CEP43: variants seen among roughly 807,000 people sequenced by gnomAD.
CEP43 encodes FGFR1 oncogene partner.
A neutral mutation model predicts 52.6 loss-of-function variants in CEP43; 36 were observed. The observed-to-expected ratio is 0.68, with a 90% confidence interval of 0.52 to 0.90. The LOEUF (loss-of-function observed/expected upper bound fraction) is 0.90, where lower values mean the gene tolerates loss of function less well. Among genes scored for constraint, CEP43 ranks in the 40% least tolerant of loss-of-function variants. The probability of loss-of-function intolerance (pLI) is 0.00; values close to 1 mark genes in which losing one functional copy is unlikely to be tolerated. For synonymous variants in CEP43, 192 were observed against 172.4 expected (o/e 1.11, Z -0.89); for missense variants, 506 against 472.8 (o/e 1.07, Z -0.65).
chr6:167,039,538 A>G (rs551605648), intron 12 of CEP43, among the ~76,000 whole-genome samples: 12 of 152,268 alleles, frequency 7.9e-5, no homozygotes, highest in African/African-American at 2.6e-4. Flanking sequence ...TGTTTTTGCA[A>G]TTCGGAATTG....
At chr6:167,031,087 T>A (rs542717788) in intron 10 of CEP43, among the ~76,000 whole-genome samples, 1 of 152,166 alleles carries the variant, frequency 6.6e-6, no homozygotes, top group Non-Finnish European at 1.5e-5. Context: ...ATTTAAAAAA[T>A]AAAATAAATT....
Position 167,042,441 on chromosome 6 carries a change from A to G in CEP43, c.*2463A>G, listed in dbSNP as rs1170980069. ...ATATTCGGTTGTGCTTTTATACTTT[A>G]TGTTGGATAACAACCTGTGGGCAGT... On this transcript the variant is annotated 3_prime_UTR_variant, in exon 13 of 13. Coordinates refer to ENST00000366847, the MANE Select transcript of CEP43 (RefSeq NM_007045.4). The G allele has an allele frequency of 1.1e-6, 1 of 905,888 alleles. No individual in the cohort carries two copies. The highest frequency in any genetic ancestry group is 1.3e-6 in the Non-Finnish European group (1 of 755,564). The allele number at this position is 905,888 out of a possible 1,614,324, so 56.1% of individuals were successfully genotyped here.
rs1554273659 is a variant in CEP43, at chr6:167,000,048, C to T, written c.103-12C>T. On this transcript the variant is annotated splice_polypyrimidine_tract_variant and intron_variant, in intron 1 of 12. Transcript: ENST00000366847. ...GAAATTATAATTTCCTGTTTCTTAA[C>T]TTTTTTTTAAGGCTGAACTCCGAGC... 3 of 1,600,474 alleles carry T rather than the reference C, an allele frequency of 1.9e-6. No individual in the cohort carries two copies. Among genetic ancestry groups the T allele is most frequent in the Non-Finnish European group, 2.6e-6 (3 of 1,169,174 alleles).
chr6:167,048,227 C>G lies in CEP43; in HGVS notation c.*8249C>G, dbSNP rs1055023586. The G allele has an allele frequency of 7.9e-5, 12 of 152,166 alleles. No individual in the cohort carries two copies. The highest frequency in any genetic ancestry group is 2.9e-4 in the African/African-American group (12 of 41,416). The allele number at this position is 152,166 out of a possible 1,614,324, so 9.4% of individuals were successfully genotyped here. ...GGGCAACATAGTAAGACCCCTATCT[C>G]TACAAAAAATATAAAAATTAGCTAG... On this transcript the variant is annotated 3_prime_UTR_variant, in exon 13 of 13. Coordinates refer to ENST00000366847, the MANE Select transcript of CEP43 (RefSeq NM_007045.4).
At chr6:167,039,295 AATTTTTGT>A (rs915970406) in intron 12 of CEP43, among the ~76,000 whole-genome samples, 1 of 152,020 alleles carries the variant, frequency 6.6e-6, no homozygotes, top group African/African-American at 2.4e-5. Flanking sequence ...TTGTCTGGCT[AATTTTTGT>A]ATTTTTGTAG....
rs1445205725 is a variant in CEP43 at position 167,042,064 on chromosome 6, G to A, written c.*2086G>A. 2 of 841,512 alleles carry A rather than the reference G, an allele frequency of 2.4e-6. No individual in the cohort carries two copies. The highest frequency in any genetic ancestry group is 1.9e-5 in the African/African-American group (1 of 53,486). The allele number at this position is 841,512 out of a possible 1,614,324, so 52.1% of individuals were successfully genotyped here. ...GTCTTGAACTCCTGACCTCGTTCCT[G>A]CCTTAGCCTCCTAAAGTGCCGGGAT... On this transcript the variant is annotated 3_prime_UTR_variant, in exon 13 of 13. Coordinates refer to ENST00000366847, the MANE Select transcript of CEP43 (RefSeq NM_007045.4).
chr6:167,046,827 G>A lies in CEP43; in HGVS notation c.*6849G>A, dbSNP rs112558758. 52 of 152,334 alleles carry A rather than the reference G, an allele frequency of 3.4e-4. No individual in the cohort carries two copies. Among genetic ancestry groups the A allele is most frequent in the African/African-American group, 1.2e-3 (49 of 41,578 alleles). 9.4% of individuals were successfully genotyped at this position (152,334 alleles called of 1,614,324 possible). Reference sequence around the variant, plus strand: ...GCCCTCTCAGCCTGAGTCCATTCTGGCTCCAGAGCTCCCTGAGAGCTTGCC... The same window carrying A: ...GCCCTCTCAGCCTGAGTCCATTCTGACTCCAGAGCTCCCTGAGAGCTTGCC... On this transcript the variant is annotated 3_prime_UTR_variant, in exon 13 of 13. Coordinates refer to ENST00000366847, the MANE Select transcript of CEP43 (RefSeq NM_007045.4).
chr6:167,033,092 C>T (rs1486636591), intron 11 of CEP43, among the ~76,000 whole-genome samples: 2 of 139,392 alleles, frequency 1.4e-5, no homozygotes, highest in African/African-American at 5.3e-5. Flanking sequence ...AATAAGATTG[C>T]CATTCTCTTT....
intron 12 of CEP43, chr6:167,036,428 GGGGA>G: frequency 1.0e-6 from 1 of 985,414 alleles, no homozygotes; most frequent in Non-Finnish European, 1.2e-6. Context: ...CAGAGGCCCT[GGGGA>G]GGGTAGTCTC....
Position 167,042,169 on chromosome 6 carries a change from G to GA in CEP43, c.*2196dup. ...TTTGAATGACTTAAAGTTCAACTAT[G>GA]AAAAAGCTTTCTTTTCACATGTACT... On this transcript the variant is annotated 3_prime_UTR_variant, in exon 13 of 13. Transcript: ENST00000366847. 1 of 1,008,240 alleles carries GA rather than the reference G, an allele frequency of 9.9e-7. No homozygotes were observed. 62.5% of individuals were successfully genotyped at this position (1,008,240 alleles called of 1,614,324 possible).
intron 10 of CEP43, 36 bp downstream of exon 10, chr6:167,026,651 A>G: frequency 7.6e-7 from 1 of 1,308,190 alleles, no homozygotes; most frequent in Non-Finnish European, 1.1e-6. Flanking sequence ...TGATCGTTTT[A>G]AAGTGATTAT....
rs1481621336 is a variant in CEP43 at position 167,043,416 on chromosome 6, T to C, written c.*3438T>C. ...TTTTTTTGAGGTGGAGTTTTGTTCT[T>C]GTTGCCCAGGCTGGAGTGCCATGGG... On this transcript the variant is annotated 3_prime_UTR_variant, in exon 13 of 13. Transcript: ENST00000366847. The C allele has an allele frequency of 2.7e-5, 4 of 150,142 alleles. No homozygotes were observed. The highest frequency in any genetic ancestry group is 5.0e-5 in the African/African-American group (2 of 40,374). The allele number at this position is 150,142 out of a possible 1,614,324, so 9.3% of individuals were successfully genotyped here.
intron 5 of CEP43, among the ~76,000 whole-genome samples, chr6:167,005,268 A>C (rs954235371): frequency 6.6e-6 from 1 of 152,240 alleles, no homozygotes; most frequent in African/African-American, 2.4e-5. Flanking sequence ...CTTTGTGGGT[A>C]CTATAAGATA....
intron 5 of CEP43, among the ~76,000 whole-genome samples, chr6:167,005,661 A>G (rs188152271): frequency 7.9e-5 from 12 of 152,260 alleles, no homozygotes; most frequent in Middle Eastern, 3.4e-3. Flanking sequence ...TCATTCCTTC[A>G]TTTATCAATA....
chr6:167,014,648 A>G (rs1780054831), intron 7 of CEP43, among the ~76,000 whole-genome samples: 1 of 152,228 alleles, frequency 6.6e-6, no homozygotes, highest in Non-Finnish European at 1.5e-5. Flanking sequence ...CTTTAGTTCT[A>G]GGAGTTTCAA....
Position 167,040,172 on chromosome 6 carries a change from G to T in CEP43, c.*194G>T, listed in dbSNP as rs762198813. 348 of 1,533,352 alleles carry T rather than the reference G, an allele frequency of 2.3e-4. No homozygotes were observed. The highest frequency in any genetic ancestry group is 2.8e-4 in the Non-Finnish European group (321 of 1,144,298). 95.0% of individuals were successfully genotyped at this position (1,533,352 alleles called of 1,614,324 possible). A position where few individuals can be genotyped will look rare whatever the true frequency, so the allele number is the denominator to read the frequency against. ...TACTTCCTATTTGAGCCCATGTGTG[G>T]AAGATTTAATATTCTTAATTTAACT... On this transcript the variant is annotated 3_prime_UTR_variant, in exon 13 of 13. Coordinates refer to ENST00000366847, the MANE Select transcript of CEP43 (RefSeq NM_007045.4).
chr6:167,051,085 GA>G lies in CEP43; in HGVS notation c.*11108del, dbSNP rs1351413250. ...TAAGTCAGCTTCTGGGTGGGGGCCA[GA>G]GGACCAGTTGAGCCAAGAATTCAAG... On this transcript the variant is annotated 3_prime_UTR_variant, in exon 13 of 13. Transcript: ENST00000366847. 1 of 152,172 alleles carries G rather than the reference GA, an allele frequency of 6.6e-6. No individual in the cohort carries two copies. The highest frequency in any genetic ancestry group is 1.5e-5 in the Non-Finnish European group (1 of 68,030). 9.4% of individuals were successfully genotyped at this position (152,172 alleles called of 1,614,324 possible).
intron 5 of CEP43, among the ~76,000 whole-genome samples, chr6:167,007,334 C>T (rs372140549): frequency 3.3e-5 from 5 of 152,202 alleles, no homozygotes; most frequent in Admixed American, 6.5e-5. Flanking sequence ...CTGAAGTTTG[C>T]CCTGACTTTT....
At chr6:166,999,654 G>A in intron 1 of CEP43, 140 bp downstream of exon 1, 1 of 539,176 alleles carries the variant, frequency 1.9e-6, no homozygotes. Flanking sequence ...GCCCCGGCAT[G>A]GCCTCCGTCC....
Sources: allele counts gnomAD v4.1 joint callset (sites outside exome capture counted in the v4.1 genomes callset), GRCh38; gene constraint gnomAD v4.1.1; transcripts MANE v1.5; gene names NCBI Gene and HGNC (gene_info 2026-07-23, HGNC 2026-07-21).